Variants in CHST15 observed in about 807,000 individuals in gnomAD.
CHST15 encodes B cell RAG associated protein (GALNAC4S-6ST).
In CHST15, 30 loss-of-function variants were observed where a neutral mutation model predicts 53.6. The observed-to-expected ratio is 0.56, with a 90% confidence interval of 0.42 to 0.76. The LOEUF is 0.76. CHST15 is among the 30% of genes least tolerant of loss of function. The probability of loss-of-function intolerance (pLI) is 0.00; values close to 1 mark genes in which losing one functional copy is unlikely to be tolerated. For synonymous variants in CHST15, 296 were observed against 289.8 expected (o/e 1.02, Z -0.22); for missense variants, 627 against 740.5 (o/e 0.85, Z 1.78).
At chr10:124,070,527 C>A (rs1590336671) in intron 1 of CHST15, among the ~76,000 whole-genome samples, 1 of 152,214 alleles carries the variant, frequency 6.6e-6, no homozygotes, top group East Asian at 1.9e-4. Context: ...TAAAGGTGCA[C>A]ACCACCATGC....
intron 1 of CHST15, among the ~76,000 whole-genome samples, chr10:124,050,862 G>A (rs1380761640): frequency 4.6e-5 from 7 of 152,162 alleles, no homozygotes; most frequent in African/African-American, 9.7e-5. Context: ...GGGAGAGGAG[G>A]CAGGGACCAG....
intron 5 of CHST15, among the ~76,000 whole-genome samples, chr10:124,031,814 G>A (rs1183920938): frequency 6.6e-6 from 1 of 152,166 alleles, no homozygotes; most frequent in Non-Finnish European, 1.5e-5. Context: ...TTTTACCGAT[G>A]AGAAAATAAG....
chr10:124,015,602 G>A (rs1007281233), intron 6 of CHST15, among the ~76,000 whole-genome samples: 1 of 151,998 alleles, frequency 6.6e-6, no homozygotes, highest in Admixed American at 6.6e-5. Flanking sequence ...CCCTACTAGG[G>A]ATTTCAGTTG....
intron 1 of CHST15, among the ~76,000 whole-genome samples, chr10:124,069,251 T>C (rs1948838718): frequency 6.6e-6 from 1 of 152,204 alleles, no homozygotes; most frequent in African/African-American, 2.4e-5. Context: ...AGAGGATGGG[T>C]TCAACTGACT....
intron 1 of CHST15, among the ~76,000 whole-genome samples, chr10:124,087,515 T>C (rs1159913887): frequency 2.0e-5 from 3 of 152,238 alleles, no homozygotes; most frequent in African/African-American, 7.2e-5. Flanking sequence ...CCTGGGTGCC[T>C]GGACTGTCTG....
chr10:124,083,348 G>A (rs547329525), intron 1 of CHST15, among the ~76,000 whole-genome samples: 61 of 152,262 alleles, frequency 4.0e-4, no homozygotes, highest in Admixed American at 8.5e-4. Flanking sequence ...CATTTTAAGG[G>A]CCGAAAGCAA....
At chr10:124,030,340 G>A (rs1947178741) in intron 5 of CHST15, among the ~76,000 whole-genome samples, 1 of 152,204 alleles carries the variant, frequency 6.6e-6, no homozygotes, top group African/African-American at 2.4e-5. Flanking sequence ...TGTGTCAACA[G>A]GCAGCTTCTG....
chr10:124,083,258 C>T (rs1021414367), intron 1 of CHST15, among the ~76,000 whole-genome samples: 1 of 152,138 alleles, frequency 6.6e-6, no homozygotes, highest in African/African-American at 2.4e-5. Context: ...CCAGTGAGCA[C>T]GTCTTCTCAC....
intron 1 of CHST15, among the ~76,000 whole-genome samples, chr10:124,068,669 T>A (rs948301993): frequency 6.6e-6 from 1 of 152,164 alleles, no homozygotes; most frequent in Non-Finnish European, 1.5e-5. Context: ...TCAAAACACA[T>A]ATATTTTAAT....
At chr10:124,057,666 A>G (rs1948428703) in intron 1 of CHST15, among the ~76,000 whole-genome samples, 1 of 152,210 alleles carries the variant, frequency 6.6e-6, no homozygotes, top group Non-Finnish European at 1.5e-5. Context: ...ACCCAGCCCC[A>G]GAGAATCTGC....
chr10:124,044,137 CCGGCACAGAGCAGGAAA>C (rs888732794), intron 3 of CHST15, among the ~76,000 whole-genome samples: 119 of 135,684 alleles, frequency 8.8e-4, no homozygotes, highest in Non-Finnish European at 1.3e-3. Flanking sequence ...GAGCAGAGGA[CCGGCACAGAGCAGGAAA>C]CGGCACAGAG....
rs548984648 is a variant in CHST15, at chr10:124,054,647, G to A, written c.-512-7923C>T. Among the ~76,000 whole-genome samples, 7 of 152,264 alleles carry A rather than the reference G, an allele frequency of 4.6e-5. No homozygotes were observed. The South Asian group carries it at 1.0e-3, about 23-fold the overall frequency. The stretch of plus-strand genomic sequence containing the variant: ...GTTGGGCAGACCTGCATTTCAACCC[G>A]AATCAAGTCTGTAACTGCTCTATGA... On this transcript the variant is annotated intron_variant, in intron 1 of 7. Transcript: ENST00000435907.
intron 1 of CHST15, among the ~76,000 whole-genome samples, chr10:124,066,885 C>A (rs373472037): frequency 2.2e-4 from 34 of 152,244 alleles, no homozygotes; most frequent in African/African-American, 8.0e-4. Context: ...ATGAAGCCAG[C>A]ACTTTTGGTG....
intron 1 of CHST15, chr10:124,092,294 G>T (rs542291640): frequency 1.3e-5 from 2 of 154,258 alleles, no homozygotes; most frequent in South Asian, 4.0e-4. Flanking sequence ...TCGCCGCCCC[G>T]CAGCCCCGGC....
chr10:124,032,906 T>TCTA, intron 5 of CHST15, among the ~76,000 whole-genome samples: 1 of 96,100 alleles, frequency 1.0e-5, no homozygotes, highest in Non-Finnish European at 1.9e-5. Context: ...TTTCAAACCC[T>TCTA]CTACTTTGGA....
chr10:124,008,716 G>A lies in CHST15; in HGVS notation c.*1433C>T. ...GTTAGAGCTGGGTAGACGGGTGCTT[G>A]CACTTTCTGGCTTTGGTGGGCGAGA... is the stretch of plus-strand genomic sequence containing the variant. On this transcript the variant is annotated 3_prime_UTR_variant, in exon 8 of 8. Coordinates refer to ENST00000435907, the MANE Select transcript of CHST15 (RefSeq NM_001270764.2). 6 of 1,149,130 alleles carry A rather than the reference G, an allele frequency of 5.2e-6. No homozygotes were observed. The highest frequency in any genetic ancestry group is 6.5e-6 in the Non-Finnish European group (6 of 916,542). 71.2% of individuals were successfully genotyped at this position (1,149,130 alleles called of 1,614,324 possible). A position where few individuals can be genotyped will look rare whatever the true frequency, so the allele number is the denominator to read the frequency against.
At chr10:124,044,539 A>G (rs75340293) in intron 3 of CHST15, 41 bp downstream of exon 3, 37,357 of 1,427,964 alleles carry the variant, frequency 0.026, 589 homozygotes, top group Middle Eastern at 0.053. Flanking sequence ...GAACGAATGA[A>G]GGAACGAGAC....
chr10:124,038,750 AC>A, intron 4 of CHST15, 79 bp from the exon 5 acceptor site: 4 of 1,470,480 alleles, frequency 2.7e-6, no homozygotes, highest in Non-Finnish European at 3.7e-6. Context: ...CAGAGGCCAC[AC>A]CTGGCCCCGA....
At chr10:124,015,398 G>A (rs572604495) in intron 6 of CHST15, among the ~76,000 whole-genome samples, 8 of 80,084 alleles carry the variant, frequency 1.0e-4, no homozygotes, top group Admixed American at 5.4e-4. Context: ...AGGGCAGGGC[G>A]GGGGGGGCTA....
Sources: allele counts gnomAD v4.1 joint callset (sites outside exome capture counted in the v4.1 genomes callset), GRCh38; gene constraint gnomAD v4.1.1; transcripts MANE v1.5; gene names NCBI Gene and HGNC (gene_info 2026-07-23, HGNC 2026-07-21).